RNF38: variants seen among roughly 807,000 people sequenced by gnomAD.
RNF38 encodes ring finger protein 38, also known as E3 ubiquitin-protein ligase RNF38.
RNF38 carries 15 observed loss-of-function variants against 67.2 expected under a neutral mutation model. The ratio of observed to expected loss-of-function variants is 0.22; its 90% CI spans 0.15 to 0.34. The LOEUF (loss-of-function observed/expected upper bound fraction) is 0.34, where lower values mean the gene tolerates loss of function less well. RNF38 is among the 10% of genes least tolerant of loss of function. The pLI is 1.00. For missense variants in RNF38, 524 were observed against 639.9 expected (o/e 0.82, Z 1.95); for synonymous variants, 220 against 218.8 (o/e 1.01, Z -0.05).
intron 1 of RNF38, among the ~76,000 whole-genome samples, chr9:36,436,705 C>T (rs1380368685): frequency 6.6e-6 from 1 of 151,272 alleles, no homozygotes; most frequent in African/African-American, 2.4e-5. Context: ...CGCCTGTAGT[C>T]CCAGCTACTT....
intron 1 of RNF38, among the ~76,000 whole-genome samples, chr9:36,457,126 TAAAAC>T (rs1384363930): frequency 6.6e-6 from 1 of 152,176 alleles, no homozygotes; most frequent in Non-Finnish European, 1.5e-5. Flanking sequence ...CTTCCAGAAA[TAAAAC>T]AAAACCTTAA....
intron 1 of RNF38, among the ~76,000 whole-genome samples, chr9:36,442,086 A>G (rs1839205928): frequency 6.6e-6 from 1 of 152,072 alleles, no homozygotes; most frequent in African/African-American, 2.4e-5. Context: ...GGAGGGGGAG[A>G]GTCAAATCTG....
intron 1 of RNF38, among the ~76,000 whole-genome samples, chr9:36,463,799 G>A (rs1193102091): frequency 6.6e-6 from 1 of 152,150 alleles, no homozygotes; most frequent in African/African-American, 2.4e-5. Context: ...ACCAAGAAGA[G>A]ACTAAGCTAT....
chr9:36,426,744 A>G (rs142287436), intron 1 of RNF38, among the ~76,000 whole-genome samples: 2 of 152,290 alleles, frequency 1.3e-5, no homozygotes, highest in South Asian at 2.1e-4. Context: ...TTCCTCTGGC[A>G]TTTTTTGAGT....
At chr9:36,428,454 CATAT>C (rs10588812) in intron 1 of RNF38, among the ~76,000 whole-genome samples, 27,409 of 145,956 alleles carry the variant, frequency 0.19, 2,959 homozygotes, top group Non-Finnish European at 0.25. Context: ...CTATTGTTTA[CATAT>C]ATATATATAT....
At chr9:36,423,917 C>T (rs1316004543) in intron 2 of RNF38, among the ~76,000 whole-genome samples, 6 of 135,096 alleles carry the variant, frequency 4.4e-5, no homozygotes, top group Non-Finnish European at 9.5e-5. Context: ...CCACTGCACT[C>T]CAGCCTGGGC....
At chr9:36,394,545 T>A (rs556080081) in intron 1 of RNF38, among the ~76,000 whole-genome samples, 2 of 152,372 alleles carry the variant, frequency 1.3e-5, no homozygotes, top group South Asian at 4.1e-4. Context: ...AACACATTTT[T>A]ATTTAAGCAG....
chr9:36,393,201 C>T (rs1207493238), intron 1 of RNF38, among the ~76,000 whole-genome samples: 1 of 152,168 alleles, frequency 6.6e-6, no homozygotes, highest in African/African-American at 2.4e-5. Flanking sequence ...TATGTTTCTT[C>T]TCCTTCATTC....
chr9:36,432,562 G>A (rs1441565892), intron 1 of RNF38, among the ~76,000 whole-genome samples: 6 of 152,136 alleles, frequency 3.9e-5, no homozygotes, highest in Middle Eastern at 3.4e-3. Context: ...AGGCAGAGGC[G>A]GGCGGGCGGA....
intron 3 of RNF38, among the ~76,000 whole-genome samples, chr9:36,375,057 T>A (rs1186359026): frequency 2.0e-5 from 3 of 152,118 alleles, no homozygotes; most frequent in African/African-American, 7.2e-5. Flanking sequence ...ATACATGACC[T>A]CTGGCAACAA....
intron 9 of RNF38, 127 bp from the exon 10 acceptor site, chr9:36,345,080 G>C: frequency 4.2e-6 from 4 of 963,424 alleles, no homozygotes; most frequent in East Asian, 2.7e-5. Context: ...TCACAGGCAT[G>C]ATCATTGTGC....
chr9:36,448,068 C>A (rs895376144), intron 1 of RNF38, among the ~76,000 whole-genome samples: 2 of 152,130 alleles, frequency 1.3e-5, no homozygotes, highest in Non-Finnish European at 2.9e-5. Context: ...CAATTTTACA[C>A]CAAGCACAAA....
At chr9:36,387,716 T>G (rs1198477729) in intron 2 of RNF38, among the ~76,000 whole-genome samples, 1 of 152,202 alleles carries the variant, frequency 6.6e-6, no homozygotes, top group Non-Finnish European at 1.5e-5. Flanking sequence ...ATATGGGTTT[T>G]TATAGAGATG....
intron 3 of RNF38, 86 bp from the exon 4 acceptor site, chr9:36,370,018 G>A: frequency 9.2e-7 from 1 of 1,087,080 alleles, no homozygotes; most frequent in Non-Finnish European, 1.3e-6. Flanking sequence ...TCTATCAATA[G>A]TATATGCTAA....
At chr9:36,451,503 T>TGTTTGTTTG (rs1156938010) in intron 1 of RNF38, among the ~76,000 whole-genome samples, 5 of 137,598 alleles carry the variant, frequency 3.6e-5, no homozygotes, top group African/African-American at 1.4e-4. Flanking sequence ...TTTTTTTTTT[T>TGTTTGTTTG]TTTTTTTTTT....
chr9:36,428,173 T>G (rs1452539833), intron 1 of RNF38, among the ~76,000 whole-genome samples: 2 of 151,630 alleles, frequency 1.3e-5, no homozygotes, highest in Non-Finnish European at 2.9e-5. Flanking sequence ...TCCCAGCACT[T>G]TGGGAGGCGG....
Position 36,445,005 on chromosome 9 carries a change from C to T in RNF38, n.242-20322G>A, listed in dbSNP as rs138762938. Among the ~76,000 whole-genome samples, 753 of 149,096 alleles carry T rather than the reference C, an allele frequency of 5.1e-3. 4 individuals carry two copies. The highest frequency in any genetic ancestry group is 7.1e-3 in the Non-Finnish European group (483 of 67,732). On this transcript the variant is annotated intron_variant and non_coding_transcript_variant, in intron 1 of 3. Transcript: ENST00000488058. ...ATCCCTCAGACCCAAACAAATCCTGCATAAACTACAAAGGTTCAAATCTCC... is the reference window on the plus strand; with the variant it reads ...ATCCCTCAGACCCAAACAAATCCTGTATAAACTACAAAGGTTCAAATCTCC...
chr9:36,392,575 TC>T (rs1378020943), intron 1 of RNF38, among the ~76,000 whole-genome samples: 1 of 151,816 alleles, frequency 6.6e-6, no homozygotes, highest in African/African-American at 2.4e-5. Flanking sequence ...CCATCTCTAC[TC>T]AAAAAAATAA....
rs113278967 is a variant in RNF38 at position 36,343,381 on chromosome 9, A to G, written c.1386-957T>C. 2.0e-3 allele frequency among the ~76,000 whole-genome samples: 312 copies of G among 152,298 alleles called. 1 individual carries two copies. Among genetic ancestry groups the G allele is most frequent in the African/African-American group, 7.3e-3 (305 of 41,566 alleles). Reference sequence around the variant, plus strand: ...GATAATTTATCTGGTGAGATCTATAATATGTATAAAACCTCTACAACTCAA... The same window carrying G: ...GATAATTTATCTGGTGAGATCTATAGTATGTATAAAACCTCTACAACTCAA... On this transcript the variant is annotated intron_variant, in intron 10 of 11. Coordinates refer to ENST00000259605, the MANE Select transcript of RNF38 (RefSeq NM_022781.5).
Sources: gnomAD v4.1 joint callset for allele counts (sites outside exome capture counted in the v4.1 genomes callset) on GRCh38, gnomAD v4.1.1 for gene constraint, MANE v1.5 for transcripts, NCBI Gene and HGNC (gene_info 2026-07-23, HGNC 2026-07-21) for gene names.